The following CRMP1 variants were observed in gnomAD, a reference collection of about 807,000 sequenced individuals.
CRMP1 encodes the protein collapsin response mediator protein 1.
CRMP1 carries 19 observed loss-of-function variants against 68.3 expected under a neutral mutation model. That is an observed-to-expected ratio of 0.28 (90% CI 0.19 to 0.41). CRMP1 has a LOEUF of 0.41. CRMP1 is among the 10% of genes least tolerant of loss of function. The probability of loss-of-function intolerance (pLI) is 1.00; values close to 1 mark genes in which losing one functional copy is unlikely to be tolerated. For synonymous variants in CRMP1, 439 were observed against 399.6 expected, an observed-to-expected ratio of 1.10 and a Z score of -1.18; for missense variants, 791 against 967.4, an observed-to-expected ratio of 0.82 and a Z score of 2.42.
At position 5,888,070 on chromosome 4, in the gene CRMP1, G is replaced by A. The variant is rs1490199614; in HGVS notation, c.381+4519C>T. ...CCCATTGTCCCCAGAGGCTGGGGGA[G>A]GGGGCTGAAATCCCGAGACCGGCCC... On this transcript the variant is annotated intron_variant, in intron 1 of 13. Coordinates refer to ENST00000324989, the MANE Select transcript of CRMP1 (RefSeq NM_001014809.3). This position sits in a 1 kb window ranked among gnomAD's most constrained non-coding sequence, Gnocchi z 6.4. Among the ~76,000 whole-genome samples the A allele has an allele frequency of 6.6e-6, 1 of 151,986 alleles. No individual in the cohort carries two copies. Among genetic ancestry groups the A allele is most frequent in the Non-Finnish European group, 1.5e-5 (1 of 67,900 alleles).
intron 11 of CRMP1, among the ~76,000 whole-genome samples, chr4:5,832,437 A>G (rs1164404561): frequency 1.3e-5 from 2 of 152,250 alleles, no homozygotes; most frequent in Non-Finnish European, 2.9e-5. Flanking sequence ...AGGAAAGAAT[A>G]AAAGTTGTGT....
rs1714380144 is a variant in CRMP1, at chr4:5,870,773, A to G, written c.382-4017T>C. 6.6e-6 allele frequency among the ~76,000 whole-genome samples: 1 copy of G among 152,238 alleles called. No individual in the cohort carries two copies. Among genetic ancestry groups the G allele is most frequent in the Non-Finnish European group, 1.5e-5 (1 of 68,038 alleles). ...CGCTAAAAAAGATGTGTGCATCCCC[A>G]GAGAGGAAACTCACCAAGCCTCTTG... On this transcript the variant is annotated intron_variant, in intron 1 of 13. Coordinates refer to ENST00000324989, the MANE Select transcript of CRMP1 (RefSeq NM_001014809.3). The surrounding 1 kb of genome is among the most constrained non-coding windows in gnomAD (Gnocchi z 6.0).
chr4:5,825,790 AACACG>A lies in CRMP1; in HGVS notation c.1804-136_1804-132del. On this transcript the variant is annotated intron_variant, in intron 12 of 13. Coordinates refer to ENST00000324989, the MANE Select transcript of CRMP1 (RefSeq NM_001014809.3). This position sits in a 1 kb window ranked among gnomAD's most constrained non-coding sequence, Gnocchi z 4.4. ...CAAATGTGCATGCACACACACACAC[AACACG>A]CACACACGACAGGTGCACTTCACAC... is the stretch of plus-strand genomic sequence containing the variant. The A allele has an allele frequency of 1.2e-5, 9 of 780,722 alleles. No individual in the cohort carries two copies. Among genetic ancestry groups the A allele is most frequent in the African/African-American group, 2.0e-5 (1 of 50,224 alleles). 48.4% of individuals were successfully genotyped at this position (780,722 alleles called of 1,614,324 possible).
In CRMP1 at chr4:5,889,798, C is replaced by T; in HGVS notation, c.381+2791G>A. 1 of 1,522,170 alleles carries T rather than the reference C, an allele frequency of 6.6e-7. No homozygotes were observed. The highest frequency in any genetic ancestry group is 1.4e-5 in the African/African-American group (1 of 72,844). The allele number at this position is 1,522,170 out of a possible 1,614,324, so 94.3% of individuals were successfully genotyped here. A position where few individuals can be genotyped will look rare whatever the true frequency, so the allele number is the denominator to read the frequency against. On this transcript the variant is annotated intron_variant, in intron 1 of 13. Coordinates refer to ENST00000324989, the MANE Select transcript of CRMP1 (RefSeq NM_001014809.3). The surrounding 1 kb of genome is among the most constrained non-coding windows in gnomAD (Gnocchi z 4.5). ...GCTGGGGCCCTGACCTTCACCACCC[C>T]AGGGGCCAGTCCCCTAATCCAGGGC...
At chr4:5,867,242 G>A (rs542913892) in intron 1 of CRMP1, among the ~76,000 whole-genome samples, 58 of 151,536 alleles carry the variant, frequency 3.8e-4, no homozygotes, top group African/African-American at 1.2e-3. Context: ...TCTCATAGAC[G>A]TCTTTTTGTA....
intron 3 of CRMP1, among the ~76,000 whole-genome samples, chr4:5,856,673 C>T (rs1355942224): frequency 1.3e-5 from 2 of 151,078 alleles, no homozygotes; most frequent in Non-Finnish European, 2.9e-5. Context: ...ATTACCATCA[C>T]CATCATCATC....
At position 5,853,626 on chromosome 4, in the gene CRMP1, G is replaced by A. The variant is rs1712825424; in HGVS notation, c.821-2157C>T. The stretch of plus-strand genomic sequence containing the variant: ...AAAGGAATTGAAATCAGAATACCCA[G>A]GGGATATCCCCACTCCCGTGTTCAT... On this transcript the variant is annotated intron_variant, in intron 4 of 13. Coordinates refer to ENST00000324989, the MANE Select transcript of CRMP1 (RefSeq NM_001014809.3). This position sits in a 1 kb window ranked among gnomAD's most constrained non-coding sequence, Gnocchi z 4.7. Among the ~76,000 whole-genome samples the A allele has an allele frequency of 6.6e-6, 1 of 152,128 alleles. No homozygotes were observed. The highest frequency in any genetic ancestry group is 1.5e-5 in the Non-Finnish European group (1 of 68,044).
Position 5,836,907 on chromosome 4 carries a change from C to T in CRMP1, c.1311-1G>A. The T allele has an allele frequency of 6.2e-7, 1 of 1,607,544 alleles. No individual in the cohort carries two copies. The highest frequency in any genetic ancestry group is 8.5e-7 in the Non-Finnish European group (1 of 1,176,686). On this transcript the variant is annotated splice_acceptor_variant, in intron 9 of 13. Transcript: ENST00000324989. LOFTEE classifies it high-confidence loss of function. ...GCTGCCTGTGACCTGCAAGTCCCCA[C>T]TGGCAAGGACAAAACAAGGTAGAGT...
At chr4:5,869,640 C>T (rs558979624) in intron 1 of CRMP1, among the ~76,000 whole-genome samples, 50 of 146,790 alleles carry the variant, frequency 3.4e-4, no homozygotes, top group African/African-American at 1.1e-3. Context: ...GCCGAGATAG[C>T]GCCACTGCAC....
rs928039364 is a variant in CRMP1 at position 5,834,882 on chromosome 4, G to A, written c.1623+1033C>T. 4.6e-5 allele frequency among the ~76,000 whole-genome samples: 7 copies of A among 152,120 alleles called. No homozygotes were observed. The highest frequency in any genetic ancestry group is 1.2e-4 in the African/African-American group (5 of 41,434). On this transcript the variant is annotated intron_variant, in intron 11 of 13. Coordinates refer to ENST00000324989, the MANE Select transcript of CRMP1 (RefSeq NM_001014809.3). The surrounding 1 kb of genome is among the most constrained non-coding windows in gnomAD (Gnocchi z 4.3). ...TAAGAATGACCTGGATTGGTGAGCC[G>A]GACAAGGTCAGTGAGCAGCTACCGA...
In CRMP1 at chr4:5,881,146, G is replaced by A. The variant is rs992188188; in HGVS notation, c.381+11443C>T. On this transcript the variant is annotated intron_variant, in intron 1 of 13. Transcript: ENST00000324989. The surrounding 1 kb of genome is among the most constrained non-coding windows in gnomAD (Gnocchi z 4.6). ...GAATGCTCTGGATGCCTGGGACACA[G>A]GCCCAAGGAAGGAGTGGGGAACTAC... Among the ~76,000 whole-genome samples the A allele has an allele frequency of 1.3e-5, 2 of 152,234 alleles. No individual in the cohort carries two copies. The highest frequency in any genetic ancestry group is 4.8e-5 in the African/African-American group (2 of 41,456).
chr4:5,860,431 T>C lies in CRMP1; in HGVS notation c.655+595A>G, dbSNP rs1309727705. On this transcript the variant is annotated intron_variant, in intron 3 of 13. Coordinates refer to ENST00000324989, the MANE Select transcript of CRMP1 (RefSeq NM_001014809.3). The surrounding 1 kb of genome is among the most constrained non-coding windows in gnomAD (Gnocchi z 4.2). Reference sequence around the variant, plus strand: ...CACACCCTCAAATGAGAAAAACAAGTGTTGCTTAAGATTTGGGGGCTGTTT... The same window carrying C: ...CACACCCTCAAATGAGAAAAACAAGCGTTGCTTAAGATTTGGGGGCTGTTT... Among the ~76,000 whole-genome samples the C allele has an allele frequency of 6.6e-6, 1 of 152,096 alleles. No individual in the cohort carries two copies. Among genetic ancestry groups the C allele is most frequent in the African/African-American group, 2.4e-5 (1 of 41,416 alleles).
Position 5,827,605 on chromosome 4 carries a change from C to T in CRMP1, c.1803+884G>A, listed in dbSNP as rs186831273. ...ACACACACAGAGCTCACCACATGCT[C>T]GCATACACACACGCGCACACACACA... On this transcript the variant is annotated intron_variant, in intron 12 of 13. Transcript: ENST00000324989. 2.9e-3 allele frequency among the ~76,000 whole-genome samples: 435 copies of T among 152,022 alleles called. 3 individuals are homozygous for T. Among genetic ancestry groups the T allele is most frequent in the Non-Finnish European group, 4.4e-3 (296 of 67,926 alleles).
At chr4:5,876,072 G>A (rs759242207) in intron 1 of CRMP1, among the ~76,000 whole-genome samples, 8 of 151,726 alleles carry the variant, frequency 5.3e-5, no homozygotes, top group Non-Finnish European at 8.8e-5. Flanking sequence ...AAAATGGCAT[G>A]AGCCCGGGAG....
At chr4:5,830,390 CTAAGT>C (rs1407127810) in intron 11 of CRMP1, among the ~76,000 whole-genome samples, 3 of 152,176 alleles carry the variant, frequency 2.0e-5, no homozygotes, top group Admixed American at 6.5e-5. Flanking sequence ...TTTACCATTT[CTAAGT>C]TTTGTGTCTT....
chr4:5,839,695 A>T lies in CRMP1; in HGVS notation c.1154-17T>A, dbSNP rs561655071. 1 of 1,554,556 alleles carries T rather than the reference A, an allele frequency of 6.4e-7. No homozygotes were observed. Among genetic ancestry groups the T allele is most frequent in the Non-Finnish European group, 8.6e-7 (1 of 1,159,184 alleles). On this transcript the variant is annotated splice_polypyrimidine_tract_variant and intron_variant, in intron 8 of 13. Transcript: ENST00000324989. ...CTAGGGGCCCTTAGGAGGGGAAAACATAAGCCTGGTTAAAAGCAAATACTC... is the reference window on the plus strand; with the variant it reads ...CTAGGGGCCCTTAGGAGGGGAAAACTTAAGCCTGGTTAAAAGCAAATACTC...
At chr4:5,827,392 C>T (rs1196195674) in intron 12 of CRMP1, among the ~76,000 whole-genome samples, 1 of 152,202 alleles carries the variant, frequency 6.6e-6, no homozygotes, top group Admixed American at 6.5e-5. Context: ...TGCAAAGCAT[C>T]TGTGCGACTT....
Position 5,856,407 on chromosome 4 carries a change from C to T in CRMP1, c.656-100G>A, listed in dbSNP as rs536080155. ...ACCATCATCACCATCATTACCATCA[C>T]CACCATCATCATCATCACCATAATT... On this transcript the variant is annotated intron_variant, in intron 3 of 13. Coordinates refer to ENST00000324989, the MANE Select transcript of CRMP1 (RefSeq NM_001014809.3). 62 of 1,086,502 alleles carry T rather than the reference C, an allele frequency of 5.7e-5. 1 individual carries two copies. The South Asian group carries it at 8.8e-4, about 15-fold the overall frequency. 67.3% of individuals were successfully genotyped at this position (1,086,502 alleles called of 1,614,324 possible).
chr4:5,824,409 C>T (rs1434971060), intron 13 of CRMP1: 4 of 985,364 alleles, frequency 4.1e-6, no homozygotes, highest in South Asian at 4.7e-5. Context: ...GCCTCCTCGG[C>T]ATAATCACTG....
Sources: allele counts gnomAD v4.1 joint callset (sites outside exome capture counted in the v4.1 genomes callset), GRCh38; gene constraint gnomAD v4.1.1; non-coding constraint Gnocchi (gnomAD v3.1); transcripts MANE v1.5; gene names NCBI Gene and HGNC (gene_info 2026-07-23, HGNC 2026-07-21).